KCNH1: variants seen among roughly 807,000 people sequenced by gnomAD.
KCNH1 encodes the protein voltage-gated delayed rectifier potassium channel KCNH1.
A neutral mutation model predicts 69.2 loss-of-function variants in KCNH1; 27 were observed. The ratio of observed to expected loss-of-function variants is 0.39; its 90% CI spans 0.29 to 0.54. The LOEUF (loss-of-function observed/expected upper bound fraction) is 0.54, where lower values mean the gene tolerates loss of function less well. Ranked by LOEUF, KCNH1 falls within the 20% of genes least tolerant of loss-of-function variation. The pLI is 0.68. For missense variants in KCNH1, 798 were observed against 1,261.6 expected (o/e 0.63, Z 5.57); for synonymous variants, 456 against 487.7 (o/e 0.93, Z 0.86).
At position 211,019,066 on chromosome 1, in the gene KCNH1, C is replaced by T. The variant is rs1442131054; in HGVS notation, c.749G>A (p.Trp250Ter). 1 of 1,614,060 alleles carries T rather than the reference C, an allele frequency of 6.2e-7. No individual in the cohort carries two copies. The highest frequency in any genetic ancestry group is 2.2e-5 in the East Asian group (1 of 44,876). Residue 250 changes from tryptophan to a stop codon, truncating the protein, a stop_gained, in exon 6 of 11, where the codon TGG (tryptophan) becomes TAG (stop). Coordinates refer to ENST00000271751, the MANE Select transcript of KCNH1 (RefSeq NM_172362.3). LOFTEE classifies it high-confidence loss of function. Reference sequence around the variant, plus strand: ...ATCCACGATGCTATCAACAACCAGCCAGGCCACATTATTCTGCCTGGTTTT... The same window carrying T: ...ATCCACGATGCTATCAACAACCAGCTAGGCCACATTATTCTGCCTGGTTTT... ...SFKTRQNNVA[W>*]LVVDSIVDVI...
intron 9 of KCNH1, among the ~76,000 whole-genome samples, chr1:210,795,322 T>A (rs1684287689): frequency 6.6e-6 from 1 of 152,108 alleles, no homozygotes; most frequent in South Asian, 2.1e-4. Context: ...AATTTTTGTA[T>A]TTTTTGTGGA....
At chr1:210,714,820 A>G (rs967156154) in intron 10 of KCNH1, among the ~76,000 whole-genome samples, 1 of 152,202 alleles carries the variant, frequency 6.6e-6, no homozygotes, top group African/African-American at 2.4e-5. Flanking sequence ...CAACCAAGAA[A>G]GAAAGAAATG....
chr1:210,786,259 C>T (rs981691173), intron 9 of KCNH1, among the ~76,000 whole-genome samples: 2 of 152,186 alleles, frequency 1.3e-5, no homozygotes, highest in African/African-American at 2.4e-5. Context: ...CACACACGTA[C>T]GGTGTTTAGC....
At chr1:211,132,142 C>A (rs1691887739) in intron 1 of KCNH1, among the ~76,000 whole-genome samples, 1 of 152,216 alleles carries the variant, frequency 6.6e-6, no homozygotes, top group African/African-American at 2.4e-5. Flanking sequence ...CTCTAACTTA[C>A]AGGGCACTGC....
intron 10 of KCNH1, among the ~76,000 whole-genome samples, chr1:210,739,081 TCAGA>T (rs1682954426): frequency 1.3e-5 from 2 of 152,224 alleles, no homozygotes; most frequent in African/African-American, 4.8e-5. Context: ...AGAGTTCTAG[TCAGA>T]CAGATTGTCT....
intron 10 of KCNH1, among the ~76,000 whole-genome samples, chr1:210,734,496 C>G (rs1012236850): frequency 2.6e-5 from 4 of 152,212 alleles, no homozygotes; most frequent in African/African-American, 9.6e-5. Context: ...TTTTATCTTA[C>G]AATTAGGTAA....
chr1:210,959,337 A>T (rs1057427902), intron 6 of KCNH1, among the ~76,000 whole-genome samples: 1 of 152,164 alleles, frequency 6.6e-6, no homozygotes, highest in East Asian at 1.9e-4. Flanking sequence ...GTCAGTCCCT[A>T]CTGGGAGGTG....
chr1:210,820,288 C>T (rs1684901926), intron 7 of KCNH1, among the ~76,000 whole-genome samples: 1 of 152,178 alleles, frequency 6.6e-6, no homozygotes, highest in Non-Finnish European at 1.5e-5. Context: ...ATGTCCACAT[C>T]CTTTTAATAA....
intron 6 of KCNH1, among the ~76,000 whole-genome samples, chr1:210,959,248 G>A (rs1688249198): frequency 6.6e-6 from 1 of 152,162 alleles, no homozygotes; most frequent in Admixed American, 6.5e-5. Context: ...AGCAGAGGCT[G>A]CAGAACAGCA....
At chr1:210,738,868 G>T (rs1042629627) in intron 10 of KCNH1, among the ~76,000 whole-genome samples, 2 of 152,016 alleles carry the variant, frequency 1.3e-5, no homozygotes, top group Non-Finnish European at 2.9e-5. Flanking sequence ...GCCTGACCTC[G>T]ATTCTATTGT....
At chr1:210,974,750 G>C (rs983809559) in intron 6 of KCNH1, among the ~76,000 whole-genome samples, 3 of 151,844 alleles carry the variant, frequency 2.0e-5, no homozygotes, top group Non-Finnish European at 2.9e-5. Flanking sequence ...TTTTAGTAAA[G>C]ACGGGGTTTC....
chr1:210,806,081 T>G (rs1453922458), intron 7 of KCNH1, among the ~76,000 whole-genome samples: 1 of 152,206 alleles, frequency 6.6e-6, no homozygotes, highest in Non-Finnish European at 1.5e-5. Context: ...TGTATATACC[T>G]AGGAGTGAAA....
At chr1:210,859,084 G>A (rs1205011908) in intron 7 of KCNH1, 5 of 771,160 alleles carry the variant, frequency 6.5e-6, no homozygotes, top group Non-Finnish European at 1.1e-5. Flanking sequence ...CATTAGTTTA[G>A]AATAGATAAC....
intron 6 of KCNH1, among the ~76,000 whole-genome samples, chr1:210,953,716 C>CT (rs1292722203): frequency 6.6e-6 from 1 of 152,122 alleles, no homozygotes; most frequent in Non-Finnish European, 1.5e-5. Flanking sequence ...TTTCCAGTGC[C>CT]TACGAGTAAA....
intron 10 of KCNH1, among the ~76,000 whole-genome samples, chr1:210,757,607 C>A (rs986183826): frequency 6.6e-6 from 1 of 152,190 alleles, no homozygotes; most frequent in Non-Finnish European, 1.5e-5. Flanking sequence ...GAAGGTCATT[C>A]TTCTGGCCTC....
intron 6 of KCNH1, among the ~76,000 whole-genome samples, chr1:210,988,959 C>T (rs933028431): frequency 6.6e-6 from 1 of 152,184 alleles, no homozygotes; most frequent in Non-Finnish European, 1.5e-5. Context: ...TGGAAACTGA[C>T]ATGCTTATAA....
chr1:210,788,073 C>A (rs749367612), intron 9 of KCNH1, among the ~76,000 whole-genome samples: 1 of 152,192 alleles, frequency 6.6e-6, no homozygotes, highest in Non-Finnish European at 1.5e-5. Flanking sequence ...CACAAATCTT[C>A]CACTGAAAGC....
In KCNH1 at chr1:210,683,834, G is replaced by A; in HGVS notation, c.2417C>T (p.Ser806Phe). 1 of 1,614,006 alleles carries A rather than the reference G, an allele frequency of 6.2e-7. No individual in the cohort carries two copies. ...TAGCTTTGCGTGGTCTGGCACCCCG[G>A]AGGTGGAGGCTGCCTGGAAGGATAC... ...TPVSFQAAST[S>F]GVPDHAKLQA... Residue 806 changes from serine to phenylalanine, a missense_variant, in exon 11 of 11, where the codon TCC becomes TTC. Around this residue, in one of 4 missense-constraint regions of KCNH1, gnomAD observed 331 missense variants for 363.2 expected, o/e 0.91. Coordinates refer to ENST00000271751, the MANE Select transcript of KCNH1 (RefSeq NM_172362.3). This position sits in a 1 kb window ranked among gnomAD's most constrained non-coding sequence, Gnocchi z 5.7.
chr1:211,110,583 A>T (rs1691442520), intron 1 of KCNH1, among the ~76,000 whole-genome samples: 2 of 152,266 alleles, frequency 1.3e-5, no homozygotes, highest in South Asian at 2.1e-4. Flanking sequence ...ATAATAAAGG[A>T]TGGAATATTT....
Sources: gnomAD v4.1 joint callset for allele counts (sites outside exome capture counted in the v4.1 genomes callset) on GRCh38, gnomAD v4.1.1 for gene constraint, gnomAD v4.1.1 regional missense constraint, Gnocchi (gnomAD v3.1) non-coding constraint, MANE v1.5 for transcripts, NCBI Gene and HGNC (gene_info 2026-07-23, HGNC 2026-07-21) for gene names.